The following EFHC1 variants were observed in gnomAD, a reference collection of about 807,000 sequenced individuals.
EFHC1 encodes EF-hand domain-containing protein 1.
EFHC1 carries 53 observed loss-of-function variants against 69.9 expected under a neutral mutation model. That is an observed-to-expected ratio of 0.76 (90% CI 0.61 to 0.95). EFHC1 has a LOEUF of 0.95. Ranked by LOEUF, EFHC1 falls within the 40% of genes least tolerant of loss-of-function variation. The pLI, the probability that EFHC1 is intolerant of heterozygous loss-of-function variation, is 0.00. For missense variants in EFHC1, 739 were observed against 798.7 expected (o/e 0.93, Z 0.90); for synonymous variants, 256 against 278.4 (o/e 0.92, Z 0.80).
chr6:52,469,597 G>GT, intron 7 of EFHC1, 124 bp downstream of exon 7: 1 of 1,379,076 alleles, frequency 7.3e-7, no homozygotes, highest in South Asian at 1.2e-5. Context: ...ACCAACCATT[G>GT]TATCTAGTAC....
intron 2 of EFHC1, 141 bp downstream of exon 2, chr6:52,424,308 G>A (rs1028063569): frequency 1.2e-5 from 10 of 818,188 alleles, no homozygotes; most frequent in South Asian, 9.0e-5. Context: ...CTTAGTCATG[G>A]ACAGCTGAAC....
Position 52,495,377 on chromosome 6 carries a change from G to A in EFHC1, c.*3036G>A. 2.2e-6 allele frequency: 1 copy of A among 454,080 alleles called. No individual in the cohort carries two copies. Among genetic ancestry groups the A allele is most frequent in the Non-Finnish European group, 4.4e-6 (1 of 226,796 alleles). The allele number at this position is 454,080 out of a possible 1,614,324, so 28.1% of individuals were successfully genotyped here. A position where few individuals can be genotyped will look rare whatever the true frequency, so the allele number is the denominator to read the frequency against. ...CACTCCAGCCCCTTTCAAGAAGCTTGCACTTTCTGATATTTTCTCCATCAC... is the reference window on the plus strand; with the variant it reads ...CACTCCAGCCCCTTTCAAGAAGCTTACACTTTCTGATATTTTCTCCATCAC... On this transcript the variant is annotated 3_prime_UTR_variant, in exon 11 of 11. Transcript: ENST00000371068.
chr6:52,460,265 A>G (rs1339193044), intron 5 of EFHC1, among the ~76,000 whole-genome samples: 1 of 152,242 alleles, frequency 6.6e-6, no homozygotes, highest in Non-Finnish European at 1.5e-5. Flanking sequence ...TGCTAAGAGA[A>G]TGAATTCAGA....
In EFHC1 at chr6:52,459,316, CAT is replaced by C. The variant is rs1468623659; in HGVS notation, c.916+5032_916+5033del. 4.6e-5 allele frequency among the ~76,000 whole-genome samples: 7 copies of C among 152,256 alleles called. No homozygotes were observed. In the East Asian group the frequency reaches 7.7e-4, roughly 17 times the overall value. On this transcript the variant is annotated intron_variant, in intron 5 of 10. Transcript: ENST00000371068. ...AAGATTGGGAAAAATATTTGTAAAA[CAT>C]ATTTGAGAAGGTACTTGTCATAGGA...
intron 3 of EFHC1, among the ~76,000 whole-genome samples, chr6:52,443,700 A>G (rs1014541978): frequency 2.0e-5 from 3 of 152,190 alleles, no homozygotes; most frequent in African/African-American, 7.2e-5. Flanking sequence ...GCCTTGTACT[A>G]TAGTTTGAAG....
intron 2 of EFHC1, among the ~76,000 whole-genome samples, chr6:52,425,825 A>G (rs1459056866): frequency 6.6e-6 from 1 of 152,200 alleles, no homozygotes; most frequent in Non-Finnish European, 1.5e-5. Flanking sequence ...AGGTCCACAT[A>G]ATAGCCAACA....
chr6:52,463,273 C>T lies in EFHC1; in HGVS notation c.917-1622C>T, dbSNP rs148022244. ...CAGCGTGGTTTTGATCCGCCCACCT[C>T]GGCCTCCCAAAGTGCTGAGATTATA... On this transcript the variant is annotated intron_variant, in intron 5 of 10. Transcript: ENST00000371068. 4.5e-3 allele frequency among the ~76,000 whole-genome samples: 685 copies of T among 151,450 alleles called. 3 individuals are homozygous for T. Among genetic ancestry groups the T allele is most frequent in the African/African-American group, 0.011 (471 of 41,244 alleles).
Position 52,479,192 on chromosome 6 carries a change from A to G in EFHC1, c.1434A>G (p.Thr478=). Reference sequence around the variant, plus strand: ...CTAAAGTTGTTAAACCATACTCTACAGTGGACAACCCTGTCTACTATGGCC... The same window carrying G: ...CTAAAGTTGTTAAACCATACTCTACGGTGGACAACCCTGTCTACTATGGCC... The part of the protein sequence containing the change: ...GRTKVVKPYS[T]VDNPVYYGPS... The change falls in exon 8 of 11, where the codon ACA becomes ACG. Residue 478 remains threonine (T), a synonymous_variant. Transcript: ENST00000371068. 1.2e-6 allele frequency: 2 copies of G among 1,614,130 alleles called. No individual in the cohort carries two copies. Among genetic ancestry groups the G allele is most frequent in the African/African-American group, 1.3e-5 (1 of 75,040 alleles).
rs982943934 is a variant in EFHC1, at chr6:52,492,814, G to T, written c.*473G>T. On this transcript the variant is annotated 3_prime_UTR_variant, in exon 11 of 11. Coordinates refer to ENST00000371068, the MANE Select transcript of EFHC1 (RefSeq NM_018100.4). ...AATTATTTTGTAGAGACAAGGTCTT[G>T]CTAGGTTGCCTGAACTTGTCTCAAA... 2.9e-5 allele frequency: 13 copies of T among 441,138 alleles called. No homozygotes were observed. The highest frequency in any genetic ancestry group is 2.6e-4 in the African/African-American group (13 of 49,386). The allele number at this position is 441,138 out of a possible 1,614,324, so 27.3% of individuals were successfully genotyped here.
chr6:52,444,327 T>A (rs1380431565), intron 3 of EFHC1, among the ~76,000 whole-genome samples: 1 of 152,210 alleles, frequency 6.6e-6, no homozygotes, highest in Non-Finnish European at 1.5e-5. Flanking sequence ...AACACTCTGT[T>A]GAATAGGAGT....
chr6:52,431,703 A>G (rs1310274346), intron 2 of EFHC1, among the ~76,000 whole-genome samples: 1 of 152,110 alleles, frequency 6.6e-6, no homozygotes. Context: ...TGTTTTGTAA[A>G]TATATTAAGT....
intron 3 of EFHC1, among the ~76,000 whole-genome samples, chr6:52,445,154 C>A (rs897478128): frequency 6.6e-6 from 1 of 150,450 alleles, no homozygotes; most frequent in Non-Finnish European, 1.5e-5. Flanking sequence ...TCCCCTTTAT[C>A]ATTTTTTATT....
At chr6:52,421,441 T>A (rs76093612) in intron 1 of EFHC1, among the ~76,000 whole-genome samples, 2,297 of 152,168 alleles carry the variant, frequency 0.015, 43 homozygotes, top group South Asian at 0.096. Context: ...TTTTTTTTTT[T>A]AAACTCTTGC....
At chr6:52,436,678 G>A (rs485624) in intron 2 of EFHC1, among the ~76,000 whole-genome samples, 9,023 of 152,170 alleles carry the variant, frequency 0.059, 488 homozygotes, top group African/African-American at 0.14. Flanking sequence ...GTTTCACTCT[G>A]TCACCCACGC....
At chr6:52,466,979 T>G (rs66608904) in intron 6 of EFHC1, among the ~76,000 whole-genome samples, 10,931 of 152,174 alleles carry the variant, frequency 0.072, 792 homozygotes, top group African/African-American at 0.18. Context: ...AAAAGAATTA[T>G]GATAAACTCT....
intron 6 of EFHC1, among the ~76,000 whole-genome samples, chr6:52,465,777 A>G (rs1581838807): frequency 6.6e-6 from 1 of 150,602 alleles, no homozygotes; most frequent in East Asian, 1.9e-4. Flanking sequence ...ATTGCACTCC[A>G]GCCTGGGCAA....
rs1234793842 is a variant in EFHC1 at position 52,424,030 on chromosome 6, G to A, written c.148G>A (p.Asp50Asn). Reference sequence around the variant, plus strand: ...ACGTCCAACAGTTGGGATAGGCGGAGACCGGCTCCAGTTCAACCAGCTGTC... The same window carrying A: ...ACGTCCAACAGTTGGGATAGGCGGAAACCGGCTCCAGTTCAACCAGCTGTC... ...VRRPTVGIGG[D>N]RLQFNQLSQA... Residue 50 changes from aspartate to asparagine, a missense_variant, in exon 2 of 11, where the codon GAC becomes AAC. Coordinates refer to ENST00000371068, the MANE Select transcript of EFHC1 (RefSeq NM_018100.4). 1.9e-6 allele frequency: 3 copies of A among 1,614,168 alleles called. No homozygotes were observed. The highest frequency in any genetic ancestry group is 1.7e-5 in the Admixed American group (1 of 60,022).
At position 52,493,594 on chromosome 6, in the gene EFHC1, G is replaced by A. The variant is rs1428354975; in HGVS notation, c.*1253G>A. The A allele has an allele frequency of 2.2e-6, 1 of 449,520 alleles. No individual in the cohort carries two copies. Among genetic ancestry groups the A allele is most frequent in the South Asian group, 1.6e-5 (1 of 63,920 alleles). 27.8% of individuals were successfully genotyped at this position (449,520 alleles called of 1,614,324 possible). Reference sequence around the variant, plus strand: ...TTGAACCCTGGAGGCAGAGGTTGCAGTGAGCCAAGACCACGCCACTGCACT... The same window carrying A: ...TTGAACCCTGGAGGCAGAGGTTGCAATGAGCCAAGACCACGCCACTGCACT... On this transcript the variant is annotated 3_prime_UTR_variant, in exon 11 of 11. Transcript: ENST00000371068.
intron 5 of EFHC1, among the ~76,000 whole-genome samples, chr6:52,456,043 C>T (rs1344508611): frequency 6.6e-6 from 1 of 151,998 alleles, no homozygotes; most frequent in Non-Finnish European, 1.5e-5. Flanking sequence ...AGTCACATAG[C>T]TGCATTAGAA....
Sources: allele counts gnomAD v4.1 joint callset (sites outside exome capture counted in the v4.1 genomes callset), GRCh38; gene constraint gnomAD v4.1.1; transcripts MANE v1.5; gene names NCBI Gene and HGNC (gene_info 2026-07-23, HGNC 2026-07-21).